Variants in DLGAP5 observed in about 807,000 individuals in gnomAD.
The protein encoded by DLGAP5 is disks large-associated protein 5.
DLGAP5 carries 90 observed loss-of-function variants against 99.6 expected under a neutral mutation model. The observed-to-expected ratio is 0.90, with a 90% CI of 0.76 to 1.08. The LOEUF is 1.08. DLGAP5 is among the 50% of genes least tolerant of loss of function. The probability of loss-of-function intolerance (pLI) is 0.00; values close to 1 mark genes in which losing one functional copy is unlikely to be tolerated. For missense variants in DLGAP5, 1,036 were observed against 983.5 expected, an observed-to-expected ratio of 1.05 and a Z score of -0.71; for synonymous variants, 311 against 321.3, an observed-to-expected ratio of 0.97 and a Z score of 0.34.
intron 11 of DLGAP5, 133 bp downstream of exon 11, chr14:55,170,566 TAAA>T (rs1882821769): frequency 1.1e-5 from 8 of 706,118 alleles, no homozygotes; most frequent in East Asian, 2.7e-5. Flanking sequence ...GACATCAAGT[TAAA>T]AAAGAAAAAA....
chr14:55,190,303 C>CACACACACACACAG (rs1437051176), intron 1 of DLGAP5, among the ~76,000 whole-genome samples: 7 of 151,974 alleles, frequency 4.6e-5, no homozygotes, highest in African/African-American at 1.7e-4. Flanking sequence ...CACACACACA[C>CACACACACACACAG]ACACACACAC....
At chr14:55,152,502 T>C in intron 16 of DLGAP5, 88 bp downstream of exon 16, 1 of 998,434 alleles carries the variant, frequency 1.0e-6, no homozygotes, top group Non-Finnish European at 1.4e-6. Context: ...CCAACGGAAA[T>C]TCTGGGGATG....
chr14:55,151,384 C>G (rs373616686), intron 17 of DLGAP5, among the ~76,000 whole-genome samples: 171 of 152,202 alleles, frequency 1.1e-3, no homozygotes, highest in African/African-American at 3.9e-3. Flanking sequence ...GAAACTCTGT[C>G]TCTACTAAAA....
intron 2 of DLGAP5, 98 bp from the exon 3 acceptor site, chr14:55,183,851 G>C (rs1883350170): frequency 7.8e-7 from 1 of 1,275,404 alleles, no homozygotes; most frequent in Non-Finnish European, 1.0e-6. Context: ...CATTTCAACT[G>C]CTGCTAAAAA....
At chr14:55,189,762 C>A (rs1020217036) in intron 1 of DLGAP5, among the ~76,000 whole-genome samples, 6 of 152,170 alleles carry the variant, frequency 3.9e-5, no homozygotes, top group African/African-American at 1.4e-4. Context: ...TTCATGTATT[C>A]ACCTAAGAAG....
At chr14:55,163,400 A>T (rs1882515289) in intron 12 of DLGAP5, among the ~76,000 whole-genome samples, 1 of 150,560 alleles carries the variant, frequency 6.6e-6, no homozygotes, top group Admixed American at 6.6e-5. Context: ...ACACAATCTA[A>T]TTTTTTTTTT....
At chr14:55,184,770 A>T (rs2139532754) in intron 2 of DLGAP5, among the ~76,000 whole-genome samples, 1 of 152,306 alleles carries the variant, frequency 6.6e-6, no homozygotes, top group Non-Finnish European at 1.5e-5. Context: ...TGTTCATGTG[A>T]GTCAGTCATC....
At chr14:55,172,335 A>T (rs912363581) in intron 10 of DLGAP5, among the ~76,000 whole-genome samples, 1 of 150,898 alleles carries the variant, frequency 6.6e-6, no homozygotes, top group African/African-American at 2.4e-5. Flanking sequence ...TTAAAAAAAA[A>T]AATACAAAAA....
intron 12 of DLGAP5, among the ~76,000 whole-genome samples, chr14:55,167,383 T>C (rs1009490620): frequency 2.6e-5 from 4 of 152,156 alleles, no homozygotes; most frequent in Non-Finnish European, 4.4e-5. Context: ...CCAACTATTA[T>C]GAAAACTGGT....
rs748871302 is a variant in DLGAP5 at position 55,183,549 on chromosome 14, A to G, written c.432+11T>C. 4 of 1,540,338 alleles carry G rather than the reference A, an allele frequency of 2.6e-6. No homozygotes were observed. The South Asian group carries it at 5.1e-5, about 20-fold the overall frequency. ...AGAAACTATTCCTTTATATTAAGAC[A>G]CTAAATTTACCTTTTTTGGCTCAGC... is the stretch of plus-strand genomic sequence containing the variant. On this transcript the variant is annotated intron_variant, in intron 3 of 18. Transcript: ENST00000247191.
In DLGAP5 at chr14:55,178,167, G is replaced by A. The variant is rs1475350548; in HGVS notation, c.775-831C>T. Among the ~76,000 whole-genome samples, 3 of 151,978 alleles carry A rather than the reference G, an allele frequency of 2.0e-5. No individual in the cohort carries two copies. In the East Asian group the frequency reaches 5.9e-4, roughly 30 times the overall value. The stretch of plus-strand genomic sequence containing the variant: ...CTTGGGAGGCTGAGGCAGGAGAATG[G>A]TGAGAAACCGGGAGGTGGAGCTTGC... On this transcript the variant is annotated intron_variant, in intron 7 of 18. Transcript: ENST00000247191.
Position 55,154,603 on chromosome 14 carries a change from T to C in DLGAP5, c.2063+14A>G. 1.9e-6 allele frequency: 3 copies of C among 1,605,534 alleles called. No individual in the cohort carries two copies. Among genetic ancestry groups the C allele is most frequent in the Non-Finnish European group, 1.7e-6 (2 of 1,172,488 alleles). ...AGCAACTGTTAAACTCTTATTAACA[T>C]GTTAAAGAAATACCTGCTTTCAGGA... On this transcript the variant is annotated intron_variant, in intron 15 of 18. Transcript: ENST00000247191.
At chr14:55,174,546 G>A (rs993263047) in intron 10 of DLGAP5, among the ~76,000 whole-genome samples, 5 of 152,078 alleles carry the variant, frequency 3.3e-5, no homozygotes, top group Middle Eastern at 3.2e-3. Flanking sequence ...GGAACCTACC[G>A]ACATGTGATG....
chr14:55,154,840 T>A (rs750039780), intron 14 of DLGAP5, 34 bp from the exon 15 acceptor site: 1 of 1,576,122 alleles, frequency 6.3e-7, no homozygotes. Context: ...CAATACCAAA[T>A]AGTTCTTTTG....
chr14:55,152,474 C>T, intron 16 of DLGAP5, 116 bp downstream of exon 16: 1 of 711,196 alleles, frequency 1.4e-6, no homozygotes, highest in Non-Finnish European at 2.1e-6. Flanking sequence ...TACAATTCTA[C>T]ATGACTGATT....
intron 3 of DLGAP5, among the ~76,000 whole-genome samples, chr14:55,182,746 TG>T (rs576708628): frequency 8.2e-4 from 125 of 152,316 alleles, no homozygotes; most frequent in Non-Finnish European, 1.4e-3. Flanking sequence ...GCCTGGTACC[TG>T]GCTTCTGCCT....
At chr14:55,184,766 T>C (rs973539285) in intron 2 of DLGAP5, among the ~76,000 whole-genome samples, 2 of 152,214 alleles carry the variant, frequency 1.3e-5, no homozygotes, top group African/African-American at 2.4e-5. Context: ...TTGCTGTTCA[T>C]GTGAGTCAGT....
At position 55,154,609 on chromosome 14, in the gene DLGAP5, AG is replaced by A; in HGVS notation, c.2063+7del. 6.2e-7 allele frequency: 1 copy of A among 1,611,218 alleles called. No homozygotes were observed. Among genetic ancestry groups the A allele is most frequent in the Non-Finnish European group, 8.5e-7 (1 of 1,177,476 alleles). ...TGTTAAACTCTTATTAACATGTTAA[AG>A]AAATACCTGCTTTCAGGAATACTCA... On this transcript the variant is annotated splice_region_variant and intron_variant, in intron 15 of 18. Transcript: ENST00000247191.
At chr14:55,181,651 T>A (rs1480679575) in intron 4 of DLGAP5, among the ~76,000 whole-genome samples, 1 of 152,164 alleles carries the variant, frequency 6.6e-6, no homozygotes, top group Non-Finnish European at 1.5e-5. Context: ...TAAAAAGCGC[T>A]TTCCCATGGT....
Sources: allele counts gnomAD v4.1 joint callset (sites outside exome capture counted in the v4.1 genomes callset), GRCh38; gene constraint gnomAD v4.1.1; transcripts MANE v1.5; gene names NCBI Gene and HGNC (gene_info 2026-07-23, HGNC 2026-07-21).